ZNF385D: variants seen among roughly 807,000 people sequenced by gnomAD.
ZNF385D encodes zinc finger protein 385D.
A neutral mutation model predicts 35.8 loss-of-function variants in ZNF385D; 15 were observed. The observed-to-expected ratio is 0.42, with a 90% confidence interval of 0.28 to 0.64. ZNF385D has a LOEUF of 0.64. ZNF385D is among the 30% of genes least tolerant of loss of function. The probability of loss-of-function intolerance (pLI) is 0.23; values close to 1 mark genes in which losing one functional copy is unlikely to be tolerated. For missense variants in ZNF385D, 474 were observed against 494.6 expected, an observed-to-expected ratio of 0.96 and a Z score of 0.39; for synonymous variants, 212 against 186.8, an observed-to-expected ratio of 1.13 and a Z score of -1.10.
At chr3:21,754,165 AT>A (rs553202150), upstream of ZNF385D, among the ~76,000 whole-genome samples, 11 of 151,998 alleles carry the variant, frequency 7.2e-5, no homozygotes, top group African/African-American at 2.7e-4. Context: ...TCAACATATT[AT>A]TTTTTTTAAT....
At chr3:22,251,157 T>C (rs953440603) in intron 2 of ZNF385D, among the ~76,000 whole-genome samples, 14 of 152,248 alleles carry the variant, frequency 9.2e-5, no homozygotes, top group Non-Finnish European at 1.5e-4. Context: ...CTGACATACA[T>C]TTGCTAAAAT....
At chr3:21,820,422 A>G (rs897481941) in intron 3 of ZNF385D, among the ~76,000 whole-genome samples, 2 of 151,918 alleles carry the variant, frequency 1.3e-5, no homozygotes, top group African/African-American at 4.8e-5. Flanking sequence ...CAAATTATGC[A>G]AATACTTCAT....
intron 3 of ZNF385D, among the ~76,000 whole-genome samples, chr3:22,073,984 A>G (rs2593316): frequency 0.66 from 99,707 of 151,668 alleles, 33,698 homozygotes; most frequent in African/African-American, 0.82. Flanking sequence ...GTTTCTGCTT[A>G]TACTAAAGTA....
chr3:21,834,715 C>T lies in ZNF385D; in HGVS notation c.326-169687G>A, dbSNP rs571818706. Among the ~76,000 whole-genome samples, 99 of 152,252 alleles carry T rather than the reference C, an allele frequency of 6.5e-4. 2 individuals are homozygous for T. In the South Asian group the frequency reaches 0.018, roughly 28 times the overall value. On this transcript the variant is annotated intron_variant, in intron 3 of 5. Transcript: ENST00000494108. ...TTTGGCTCTGTGTCCCCACCCAAAT[C>T]TCATCTTGGACTGTAATCCCCACGT...
chr3:22,273,156 A>C lies in ZNF385D; in HGVS notation c.106+99294T>G, dbSNP rs190847680. On this transcript the variant is annotated intron_variant, in intron 2 of 5. Transcript: ENST00000494108. ...ATATATTTCCCTGGACTAAAGGTAA[A>C]CAAGAATCTGCATAAACAGGATATG... 5.5e-3 allele frequency among the ~76,000 whole-genome samples: 838 copies of C among 152,134 alleles called. 8 individuals carry two copies. The highest frequency in any genetic ancestry group is 0.02 in the African/African-American group (814 of 41,548).
chr3:21,757,194 C>T (rs187023887), intron 3 of ZNF385D, among the ~76,000 whole-genome samples: 2 of 135,304 alleles, frequency 1.5e-5, no homozygotes, highest in East Asian at 4.6e-4. Flanking sequence ...TGGAGTGGCG[C>T]AATCTCAGCT....
At chr3:21,751,419 G>C, upstream of ZNF385D, 5 of 1,007,334 alleles carry the variant, frequency 5.0e-6, no homozygotes, top group South Asian at 2.1e-4. Context: ...GAACACACAG[G>C]AGAAATTCAC....
At chr3:22,132,355 G>C (rs1703852486) in intron 3 of ZNF385D, among the ~76,000 whole-genome samples, 1 of 152,102 alleles carries the variant, frequency 6.6e-6, no homozygotes, top group African/African-American at 2.4e-5. Flanking sequence ...TCTAATTTTG[G>C]ACTTCCCAGC....
chr3:22,044,681 C>G (rs1452875968), intron 3 of ZNF385D, among the ~76,000 whole-genome samples: 1 of 151,982 alleles, frequency 6.6e-6, no homozygotes, highest in African/African-American at 2.4e-5. Context: ...TTGCTAAGAG[C>G]CATTTGGTTA....
At chr3:21,910,819 AAAAT>A (rs1467873220) in intron 3 of ZNF385D, among the ~76,000 whole-genome samples, 1 of 151,882 alleles carries the variant, frequency 6.6e-6, no homozygotes, top group Non-Finnish European at 1.5e-5. Flanking sequence ...TTTGAGTAAT[AAAAT>A]AAATGTGACT....
chr3:22,164,539 T>G (rs1706188040), intron 3 of ZNF385D, among the ~76,000 whole-genome samples: 1 of 151,900 alleles, frequency 6.6e-6, no homozygotes, highest in Non-Finnish European at 1.5e-5. Flanking sequence ...AAGGAACACT[T>G]TTTAAAGGGA....
At chr3:21,493,080 G>C (rs1705555019) in intron 4 of ZNF385D, among the ~76,000 whole-genome samples, 2 of 152,052 alleles carry the variant, frequency 1.3e-5, no homozygotes, top group Admixed American at 6.6e-5. Context: ...ATTCTTGCTA[G>C]AGCAAGGCAC....
chr3:21,533,965 C>T (rs2061980977), intron 3 of ZNF385D, among the ~76,000 whole-genome samples: 1 of 152,026 alleles, frequency 6.6e-6, no homozygotes, highest in African/African-American at 2.4e-5. Flanking sequence ...AACAATTTTT[C>T]TATTTTGATG....
intron 3 of ZNF385D, among the ~76,000 whole-genome samples, chr3:21,894,916 AAG>A (rs76261904): frequency 0.22 from 33,640 of 151,866 alleles, 3,759 homozygotes; most frequent in Middle Eastern, 0.3. Context: ...GCTCATGGCA[AAG>A]AGAGGACACA....
intron 3 of ZNF385D, among the ~76,000 whole-genome samples, chr3:21,897,651 G>A (rs557147725): frequency 6.6e-6 from 1 of 152,158 alleles, no homozygotes; most frequent in South Asian, 2.1e-4. Flanking sequence ...TTCCAGGTAA[G>A]CTATGAACCA....
chr3:21,936,336 T>C (rs1258924267), intron 3 of ZNF385D, among the ~76,000 whole-genome samples: 1 of 151,956 alleles, frequency 6.6e-6, no homozygotes, highest in African/African-American at 2.4e-5. Context: ...GTATTGAGGC[T>C]AAAAATTCTC....
At chr3:22,253,457 C>G (rs1430586295) in intron 2 of ZNF385D, among the ~76,000 whole-genome samples, 1 of 151,916 alleles carries the variant, frequency 6.6e-6, no homozygotes, top group East Asian at 1.9e-4. Context: ...TATTAGCCAT[C>G]TATTCAGTTA....
chr3:21,621,894 T>TGC (rs1491015793), intron 2 of ZNF385D, among the ~76,000 whole-genome samples: 140 of 148,676 alleles, frequency 9.4e-4, no homozygotes, highest in East Asian at 6.8e-3. Context: ...TGTGTGTGTG[T>TGC]GCGTGCACGC....
At chr3:22,128,999 G>C (rs1331900361) in intron 3 of ZNF385D, among the ~76,000 whole-genome samples, 1 of 152,106 alleles carries the variant, frequency 6.6e-6, no homozygotes, top group Non-Finnish European at 1.5e-5. Context: ...GGAATTGAGT[G>C]TTGTGTTCTA....
Sources: allele counts gnomAD v4.1 joint callset (sites outside exome capture counted in the v4.1 genomes callset), GRCh38; gene constraint gnomAD v4.1.1; transcripts MANE v1.5; gene names NCBI Gene and HGNC (gene_info 2026-07-23, HGNC 2026-07-21).